The following OPCML variants were observed in gnomAD, a reference collection of about 807,000 sequenced individuals.
OPCML encodes the protein opioid-binding protein/cell adhesion molecule.
In OPCML, 13 loss-of-function variants were observed where a neutral mutation model predicts 37.8. The ratio of observed to expected loss-of-function variants is 0.34; its 90% CI spans 0.22 to 0.55. The LOEUF (loss-of-function observed/expected upper bound fraction) is 0.55, where lower values mean the gene tolerates loss of function less well. OPCML is among the 20% of genes least tolerant of loss of function. OPCML has a pLI of 0.91. For synonymous variants in OPCML, 176 were observed against 168.8 expected, an observed-to-expected ratio of 1.04 and a Z score of -0.33; for missense variants, 341 against 435.6, an observed-to-expected ratio of 0.78 and a Z score of 1.93.
intron 1 of OPCML, among the ~76,000 whole-genome samples, chr11:133,285,908 C>T (rs1036858291): frequency 6.6e-6 from 1 of 152,154 alleles, no homozygotes; most frequent in Non-Finnish European, 1.5e-5. Flanking sequence ...TAGGAGTTGA[C>T]TGATTCATTG....
At chr11:132,438,119 A>C (rs983854894) in intron 4 of OPCML, among the ~76,000 whole-genome samples, 1 of 152,226 alleles carries the variant, frequency 6.6e-6, no homozygotes, top group Non-Finnish European at 1.5e-5. Flanking sequence ...ATAATTCAAA[A>C]TATTATGGGC....
At chr11:132,983,466 C>T (rs1477212994) in intron 1 of OPCML, among the ~76,000 whole-genome samples, 2 of 152,238 alleles carry the variant, frequency 1.3e-5, no homozygotes, top group Admixed American at 6.5e-5. Context: ...CCCTGACTCG[C>T]TGCTGGGACT....
chr11:133,398,115 AC>A (rs1201967308), intron 1 of OPCML, among the ~76,000 whole-genome samples: 22 of 152,228 alleles, frequency 1.4e-4, no homozygotes, highest in Admixed American at 1.2e-3. Flanking sequence ...AGGGAGGCTC[AC>A]CTGCTGACCT....
At chr11:132,729,534 A>T (rs1945004138) in intron 2 of OPCML, among the ~76,000 whole-genome samples, 1 of 152,246 alleles carries the variant, frequency 6.6e-6, no homozygotes, top group African/African-American at 2.4e-5. Flanking sequence ...TGGAACTCCC[A>T]GACAGGTACA....
At chr11:132,860,548 T>C (rs967695213) in intron 2 of OPCML, 2 of 152,138 alleles carry the variant, frequency 1.3e-5, no homozygotes, top group African/African-American at 2.4e-5. Flanking sequence ...AGATGCATAG[T>C]GAAAGCCACG....
chr11:133,129,053 C>G (rs575640231), intron 1 of OPCML, among the ~76,000 whole-genome samples: 1 of 152,274 alleles, frequency 6.6e-6, no homozygotes, highest in Non-Finnish European at 1.5e-5. Flanking sequence ...TGTGACAACT[C>G]ATTGCCTTAA....
At chr11:133,506,405 A>AT (rs1948031979) in intron 1 of OPCML, among the ~76,000 whole-genome samples, 1 of 152,154 alleles carries the variant, frequency 6.6e-6, no homozygotes, top group Non-Finnish European at 1.5e-5. Flanking sequence ...CTCAGGGGTA[A>AT]TGAGCGCGGG....
intron 7 of OPCML, among the ~76,000 whole-genome samples, chr11:132,424,436 T>A (rs1325181665): frequency 6.6e-6 from 1 of 152,122 alleles, no homozygotes; most frequent in Non-Finnish European, 1.5e-5. Context: ...AGATTTTTAA[T>A]GACATATTCT....
At chr11:132,820,993 T>C (rs1939952773) in intron 2 of OPCML, among the ~76,000 whole-genome samples, 1 of 152,204 alleles carries the variant, frequency 6.6e-6, no homozygotes, top group African/African-American at 2.4e-5. Context: ...TCAATGGATC[T>C]AATTGTGCAT....
intron 1 of OPCML, among the ~76,000 whole-genome samples, chr11:133,022,371 T>C (rs1056419978): frequency 3.9e-5 from 6 of 152,200 alleles, no homozygotes; most frequent in Non-Finnish European, 7.3e-5. Flanking sequence ...ACATTAAACA[T>C]GTAGATTTAG....
intron 1 of OPCML, among the ~76,000 whole-genome samples, chr11:133,069,944 A>G (rs1248072970): frequency 1.3e-5 from 2 of 152,184 alleles, no homozygotes; most frequent in East Asian, 3.9e-4. Context: ...GGATCTCCTG[A>G]TGAGCAAAAG....
At position 133,532,352 on chromosome 11, in the gene OPCML, G is replaced by A. The variant is rs1179656449; in HGVS notation, c.-28C>T. ...CGACGCTGCGGTGCTCTCAGCTGCC[G>A]GGCTTGCTACTGCTTCTGCTGCTGC... On this transcript the variant is annotated 5_prime_UTR_variant, in exon 1 of 8. Coordinates refer to ENST00000524381, the MANE Select transcript of OPCML (RefSeq NM_001012393.5). The A allele has an allele frequency of 5.0e-6, 8 of 1,609,696 alleles. No individual in the cohort carries two copies. In the East Asian group the frequency reaches 1.1e-4, roughly 23 times the overall value.
chr11:132,798,081 T>G (rs1938435661), intron 2 of OPCML, among the ~76,000 whole-genome samples: 2 of 152,208 alleles, frequency 1.3e-5, no homozygotes, highest in South Asian at 4.1e-4. Flanking sequence ...TATTTTTGTT[T>G]TATTTATGTA....
At chr11:132,873,952 G>A (rs188649396) in intron 2 of OPCML, among the ~76,000 whole-genome samples, 34 of 152,186 alleles carry the variant, frequency 2.2e-4, no homozygotes, top group Non-Finnish European at 3.5e-4. Flanking sequence ...CCTCTCTTCC[G>A]CAGCCCTGTG....
chr11:133,189,016 C>T (rs73596489), intron 1 of OPCML, among the ~76,000 whole-genome samples: 3,133 of 152,202 alleles, frequency 0.021, 116 homozygotes, highest in African/African-American at 0.07. Flanking sequence ...GCCCTTGTCC[C>T]CTGCCACTCC....
intron 1 of OPCML, among the ~76,000 whole-genome samples, chr11:133,156,408 G>C (rs1272264531): frequency 6.6e-6 from 1 of 152,132 alleles, no homozygotes; most frequent in South Asian, 2.1e-4. Flanking sequence ...CTGTGGGGAG[G>C]GCGAGCCCCT....
intron 1 of OPCML, among the ~76,000 whole-genome samples, chr11:133,363,725 C>T (rs760954441): frequency 3.9e-5 from 6 of 152,166 alleles, no homozygotes; most frequent in Non-Finnish European, 8.8e-5. Context: ...ATCCCCCTCC[C>T]ACTGTGCGTG....
intron 3 of OPCML, among the ~76,000 whole-genome samples, chr11:132,532,298 G>A (rs1373006695): frequency 6.6e-6 from 1 of 152,144 alleles, no homozygotes; most frequent in African/African-American, 2.4e-5. Context: ...TTGTCTCCAA[G>A]GAGGAAAGAT....
intron 1 of OPCML, among the ~76,000 whole-genome samples, chr11:133,396,156 CT>C (rs138332871): frequency 0.2 from 29,348 of 149,882 alleles, 2,927 homozygotes; most frequent in East Asian, 0.23. Flanking sequence ...AATAGGATTA[CT>C]TTTTTTTTTC....
Sources: allele counts gnomAD v4.1 joint callset (sites outside exome capture counted in the v4.1 genomes callset), GRCh38; gene constraint gnomAD v4.1.1; transcripts MANE v1.5; gene names NCBI Gene and HGNC (gene_info 2026-07-23, HGNC 2026-07-21).